Variants in MOB3B observed in about 807,000 individuals in gnomAD.
MOB3B encodes the protein MOB kinase activator 3B, also known as MOB kinase activator-like 2B.
MOB3B carries 7 observed loss-of-function variants against 18.7 expected under a neutral mutation model. That is an observed-to-expected ratio of 0.37 (90% CI 0.21 to 0.70). The LOEUF (loss-of-function observed/expected upper bound fraction) is 0.70. Ranked by LOEUF, MOB3B falls within the 30% of genes least tolerant of loss-of-function variation. MOB3B has a pLI of 0.52. For missense variants in MOB3B, 253 were observed against 281.3 expected (o/e 0.90, Z 0.72); for synonymous variants, 111 against 99.9 (o/e 1.11, Z -0.66).
At chr9:27,520,904 G>T (rs1820314478) in intron 1 of MOB3B, among the ~76,000 whole-genome samples, 1 of 152,186 alleles carries the variant, frequency 6.6e-6, no homozygotes, top group Admixed American at 6.5e-5. Flanking sequence ...TGACTTTTTA[G>T]TAGGTATGTC....
intron 2 of MOB3B, among the ~76,000 whole-genome samples, chr9:27,422,174 T>C (rs902288520): frequency 1.3e-5 from 2 of 152,238 alleles, no homozygotes; most frequent in Non-Finnish European, 2.9e-5. Flanking sequence ...GGATCAAATA[T>C]TCAATTCATT....
intron 2 of MOB3B, among the ~76,000 whole-genome samples, chr9:27,362,818 G>A (rs554447151): frequency 6.6e-6 from 1 of 152,278 alleles, no homozygotes; most frequent in Admixed American, 6.5e-5. Context: ...ATGGTTCAGA[G>A]GCCAATTCTA....
intron 2 of MOB3B, among the ~76,000 whole-genome samples, chr9:27,447,059 G>C (rs1193808854): frequency 6.6e-6 from 1 of 152,056 alleles, no homozygotes; most frequent in Non-Finnish European, 1.5e-5. Flanking sequence ...GACCTTTGCA[G>C]ATAACACACG....
chr9:27,513,413 C>A (rs1457058594), intron 1 of MOB3B, among the ~76,000 whole-genome samples: 1 of 152,136 alleles, frequency 6.6e-6, no homozygotes, highest in African/African-American at 2.4e-5. Flanking sequence ...CTCCTTCAAG[C>A]ACACATCATA....
At position 27,388,788 on chromosome 9, in the gene MOB3B, C is replaced by T. The variant is rs142011322; in HGVS notation, c.419-29552G>A. The stretch of plus-strand genomic sequence containing the variant: ...TCCCCCATCTCAGTACGTGCCTTGG[C>T]CATCTCCCTTTCTCAAGCCAGAAAC... On this transcript the variant is annotated intron_variant, in intron 2 of 3. Coordinates refer to ENST00000262244, the MANE Select transcript of MOB3B (RefSeq NM_024761.5). 6.8e-4 allele frequency among the ~76,000 whole-genome samples: 104 copies of T among 152,194 alleles called. 3 individuals are homozygous for T. In the East Asian group the frequency reaches 0.019, roughly 28 times the overall value.
In MOB3B at chr9:27,327,034, C is replaced by G. The variant is rs191642278; in HGVS notation, c.*3553G>C. ...AATAAAAGCGTTGAATATTTCACCT[C>G]TGGCTACAGGGAGCATACAAATCCT... On this transcript the variant is annotated 3_prime_UTR_variant, in exon 4 of 4. Coordinates refer to ENST00000262244, the MANE Select transcript of MOB3B (RefSeq NM_024761.5). The G allele has an allele frequency of 6.5e-6, 1 of 153,186 alleles. No individual in the cohort carries two copies. Among genetic ancestry groups the G allele is most frequent in the African/African-American group, 2.4e-5 (1 of 41,606 alleles). The allele number at this position is 153,186 out of a possible 1,614,324, so 9.5% of individuals were successfully genotyped here.
chr9:27,479,552 T>G (rs1032621126), intron 1 of MOB3B, among the ~76,000 whole-genome samples: 2 of 151,910 alleles, frequency 1.3e-5, no homozygotes, highest in Admixed American at 1.3e-4. Flanking sequence ...AACTTCGATA[T>G]GAAGGAAACT....
chr9:27,340,945 G>A (rs938730517), intron 3 of MOB3B, among the ~76,000 whole-genome samples: 2 of 152,218 alleles, frequency 1.3e-5, no homozygotes, highest in Non-Finnish European at 2.9e-5. Flanking sequence ...GCTGCCCCTT[G>A]TTCTGGGATG....
At chr9:27,395,701 T>G (rs1224126063) in intron 2 of MOB3B, among the ~76,000 whole-genome samples, 1 of 152,174 alleles carries the variant, frequency 6.6e-6, no homozygotes, top group Non-Finnish European at 1.5e-5. Context: ...GTTTTCTTTT[T>G]CCTCCTCTAC....
chr9:27,364,238 C>T (rs12352886), intron 2 of MOB3B, among the ~76,000 whole-genome samples: 5,960 of 152,218 alleles, frequency 0.039, 412 homozygotes, highest in African/African-American at 0.13. Flanking sequence ...AAGGGCAACC[C>T]GTGTTCTACA....
At chr9:27,349,781 T>G (rs953370605) in intron 3 of MOB3B, among the ~76,000 whole-genome samples, 1 of 152,246 alleles carries the variant, frequency 6.6e-6, no homozygotes, top group African/African-American at 2.4e-5. Context: ...GTTTTATTTA[T>G]TCCTATCAAT....
intron 2 of MOB3B, among the ~76,000 whole-genome samples, chr9:27,373,442 C>T (rs751051696): frequency 8.5e-5 from 13 of 152,270 alleles, no homozygotes; most frequent in South Asian, 6.2e-4. Flanking sequence ...CAGCAATAAG[C>T]GAAAGAGTTA....
chr9:27,438,954 G>T (rs931615803), intron 2 of MOB3B, among the ~76,000 whole-genome samples: 6 of 152,146 alleles, frequency 3.9e-5, no homozygotes, highest in Admixed American at 1.3e-4. Flanking sequence ...GGCCTCTGGG[G>T]TCTTTACTTC....
intron 2 of MOB3B, among the ~76,000 whole-genome samples, chr9:27,389,632 A>G (rs923523067): frequency 3.9e-5 from 6 of 152,120 alleles, no homozygotes; most frequent in African/African-American, 1.4e-4. Flanking sequence ...TAGCTTCCTT[A>G]TGATTATCCG....
intron 2 of MOB3B, among the ~76,000 whole-genome samples, chr9:27,365,222 A>G (rs543099025): frequency 4.7e-5 from 7 of 149,146 alleles, no homozygotes; most frequent in Non-Finnish European, 1.0e-4. Context: ...CTCCTGATAT[A>G]TATAGTCCTG....
At chr9:27,333,410 CTTCATCA>C (rs1820817384) in intron 3 of MOB3B, among the ~76,000 whole-genome samples, 1 of 152,100 alleles carries the variant, frequency 6.6e-6, no homozygotes, top group Admixed American at 6.5e-5. Flanking sequence ...CCATCGCTTT[CTTCATCA>C]GAGCCCTCCC....
chr9:27,457,919 CTT>C (rs1303085521), intron 1 of MOB3B, among the ~76,000 whole-genome samples: 1 of 152,048 alleles, frequency 6.6e-6, no homozygotes, highest in Non-Finnish European at 1.5e-5. Context: ...CTAAAAGAGA[CTT>C]AGCTTGCCTG....
intron 1 of MOB3B, among the ~76,000 whole-genome samples, chr9:27,511,585 T>C (rs552891886): frequency 2.0e-5 from 3 of 152,262 alleles, no homozygotes; most frequent in Admixed American, 1.3e-4. Flanking sequence ...AAGGAAAGTA[T>C]GTTTTTTTTA....
intron 2 of MOB3B, among the ~76,000 whole-genome samples, chr9:27,435,217 C>CT (rs991109020): frequency 6.6e-6 from 1 of 152,078 alleles, no homozygotes; most frequent in Admixed American, 6.6e-5. Flanking sequence ...CCCCACACTC[C>CT]TTTTTTAATT....
Sources: allele counts gnomAD v4.1 joint callset (sites outside exome capture counted in the v4.1 genomes callset), GRCh38; gene constraint gnomAD v4.1.1; transcripts MANE v1.5; gene names NCBI Gene and HGNC (gene_info 2026-07-23, HGNC 2026-07-21).